Variants in FNDC3A observed in about 807,000 individuals in gnomAD.
The protein encoded by FNDC3A is fibronectin type-III domain-containing protein 3A.
In FNDC3A, 32 loss-of-function variants were observed where a neutral mutation model predicts 148.9. That is an observed-to-expected ratio of 0.21 (90% confidence interval 0.16 to 0.29). The LOEUF is 0.29. FNDC3A is among the 10% of genes least tolerant of loss of function. The probability of loss-of-function intolerance (pLI) is 1.00; values close to 1 mark genes in which losing one functional copy is unlikely to be tolerated. For synonymous variants in FNDC3A, 472 were observed against 473.6 expected (o/e 1.00, Z 0.04); for missense variants, 1,191 against 1,452.8 (o/e 0.82, Z 2.93).
At chr13:49,172,300 A>G (rs1884794550) in intron 11 of FNDC3A, among the ~76,000 whole-genome samples, 1 of 152,220 alleles carries the variant, frequency 6.6e-6, no homozygotes, top group Non-Finnish European at 1.5e-5. Flanking sequence ...TCACCATCAA[A>G]ATTATTATTT....
At chr13:49,162,396 A>C (rs945999659) in intron 8 of FNDC3A, among the ~76,000 whole-genome samples, 1 of 152,176 alleles carries the variant, frequency 6.6e-6, no homozygotes, top group African/African-American at 2.4e-5. Flanking sequence ...CACTTGATGG[A>C]ATCTGGTACT....
At chr13:49,075,149 A>C (rs1257932580) in intron 2 of FNDC3A, 140 bp from the exon 3 acceptor site, 1 of 465,316 alleles carries the variant, frequency 2.1e-6, no homozygotes, top group African/African-American at 2.0e-5. Context: ...TTTTTAGCAA[A>C]CCAGCATCTT....
intron 25 of FNDC3A, among the ~76,000 whole-genome samples, chr13:49,206,655 A>G (rs571350758): frequency 6.6e-6 from 1 of 152,338 alleles, no homozygotes; most frequent in African/African-American, 2.4e-5. Flanking sequence ...TTGTACAGAT[A>G]TGTTTGAAAT....
intron 6 of FNDC3A, 86 bp from the exon 7 acceptor site, chr13:49,138,661 C>T: frequency 1.6e-6 from 1 of 621,722 alleles, no homozygotes; most frequent in Non-Finnish European, 2.8e-6. Context: ...AAATACCAAC[C>T]TAGTTTCAGA....
At chr13:49,055,599 A>C (rs1191209442) in intron 2 of FNDC3A, among the ~76,000 whole-genome samples, 2 of 152,132 alleles carry the variant, frequency 1.3e-5, no homozygotes, top group East Asian at 3.9e-4. Context: ...ACAACCCCTT[A>C]TCATAACCCA....
chr13:49,160,676 T>C (rs1308996232), intron 8 of FNDC3A, among the ~76,000 whole-genome samples: 12 of 152,068 alleles, frequency 7.9e-5, no homozygotes, highest in Admixed American at 2.6e-4. Context: ...TGAATGTGTT[T>C]GCTCTTGCTT....
chr13:49,197,067 T>A, intron 20 of FNDC3A, 77 bp downstream of exon 20: 1 of 868,328 alleles, frequency 1.2e-6, no homozygotes, highest in Non-Finnish European at 1.8e-6. Flanking sequence ...AAAGATACTG[T>A]TCATTTTTAC....
chr13:49,013,324 A>G lies in FNDC3A; in HGVS notation c.99+7035A>G, dbSNP rs543760110. On this transcript the variant is annotated intron_variant, in intron 2 of 25. Coordinates refer to ENST00000492622, the MANE Select transcript of FNDC3A (RefSeq NM_001079673.2). ...AGTGAGACCCAGTCTCATATTTTCA[A>G]CATTTCTAAGATAATGATATATTTT... Among the ~76,000 whole-genome samples the G allele has an allele frequency of 1.2e-4, 18 of 152,150 alleles. No homozygotes were observed. In the South Asian group the frequency reaches 3.5e-3, roughly 30 times the overall value.
chr13:49,134,801 CTTTTTTTTTTT>C (rs528015993), intron 5 of FNDC3A, among the ~76,000 whole-genome samples: 2 of 6,178 alleles, frequency 3.2e-4, no homozygotes, highest in African/African-American at 9.1e-4. Context: ...TTTTCTTTTC[CTTTTTTTTTTT>C]TTTTTTTTTT....
intron 2 of FNDC3A, among the ~76,000 whole-genome samples, chr13:49,011,872 C>G (rs1952352856): frequency 6.6e-6 from 1 of 152,144 alleles, no homozygotes; most frequent in South Asian, 2.1e-4. Flanking sequence ...AAAATATATT[C>G]TAAAAACTAT....
At chr13:49,186,469 AAAC>A (rs1566314816) in intron 15 of FNDC3A, among the ~76,000 whole-genome samples, 2 of 152,250 alleles carry the variant, frequency 1.3e-5, no homozygotes, top group African/African-American at 4.8e-5. Context: ...CCTAATGGAA[AAAC>A]AAAGATCCCA....
intron 7 of FNDC3A, among the ~76,000 whole-genome samples, chr13:49,144,427 T>C (rs1452696486): frequency 6.6e-6 from 1 of 152,172 alleles, no homozygotes; most frequent in Non-Finnish European, 1.5e-5. Flanking sequence ...ATGTTACAAT[T>C]TTATGGAGAT....
chr13:49,017,046 TGTG>T (rs963659620), intron 2 of FNDC3A, among the ~76,000 whole-genome samples: 70 of 152,038 alleles, frequency 4.6e-4, no homozygotes, highest in African/African-American at 1.6e-3. Flanking sequence ...TTGGAATAGG[TGTG>T]GTGTGGTGCT....
intron 3 of FNDC3A, among the ~76,000 whole-genome samples, chr13:49,087,558 A>G (rs1006028104): frequency 3.3e-5 from 5 of 152,170 alleles, no homozygotes; most frequent in Non-Finnish European, 1.5e-5. Flanking sequence ...TTGACTTGGA[A>G]TAGGGAAAAA....
chr13:49,123,519 C>T (rs763239974), intron 4 of FNDC3A, among the ~76,000 whole-genome samples: 22 of 151,946 alleles, frequency 1.4e-4, no homozygotes, highest in Non-Finnish European at 2.8e-4. Context: ...AACTAAAGAG[C>T]TTCTTCTGTA....
chr13:49,183,743 A>C (rs1885421923), intron 14 of FNDC3A, among the ~76,000 whole-genome samples: 2 of 152,214 alleles, frequency 1.3e-5, no homozygotes, highest in African/African-American at 4.8e-5. Flanking sequence ...CTGTGAGAGG[A>C]CTGAGGAAGC....
intron 8 of FNDC3A, among the ~76,000 whole-genome samples, chr13:49,149,544 C>G (rs1883173655): frequency 6.6e-6 from 1 of 152,106 alleles, no homozygotes; most frequent in Non-Finnish European, 1.5e-5. Context: ...TGGTATAAAT[C>G]CCACTTGATC....
At chr13:49,040,057 G>A (rs547472315) in intron 2 of FNDC3A, among the ~76,000 whole-genome samples, 116 of 152,234 alleles carry the variant, frequency 7.6e-4, no homozygotes, top group African/African-American at 2.6e-3. Context: ...ATTTTCATAT[G>A]TCATCGTAGG....
At chr13:49,172,867 A>G (rs1019237360) in intron 11 of FNDC3A, among the ~76,000 whole-genome samples, 3 of 152,184 alleles carry the variant, frequency 2.0e-5, no homozygotes, top group African/African-American at 7.2e-5. Context: ...TGTTTAGTAC[A>G]GGGGTGTCCA....
Sources: gnomAD v4.1 joint callset for allele counts (sites outside exome capture counted in the v4.1 genomes callset) on GRCh38, gnomAD v4.1.1 for gene constraint, MANE v1.5 for transcripts, NCBI Gene and HGNC (gene_info 2026-07-23, HGNC 2026-07-21) for gene names.